KLHL32: variants seen among roughly 807,000 people sequenced by gnomAD.
The protein encoded by KLHL32 is kelch-like protein 32.
A neutral mutation model predicts 64.8 loss-of-function variants in KLHL32; 35 were observed. The ratio of observed to expected loss-of-function variants is 0.54; its 90% CI spans 0.41 to 0.72. The LOEUF is 0.72. Ranked by LOEUF, KLHL32 falls within the 30% of genes least tolerant of loss-of-function variation. The pLI is 0.00. For synonymous variants in KLHL32, 259 were observed against 281.0 expected (o/e 0.92, Z 0.78); for missense variants, 589 against 768.5 (o/e 0.77, Z 2.76).
rs563080041 is a variant in KLHL32 at position 97,025,117 on chromosome 6, A to G, written c.205-16375A>G. On this transcript the variant is annotated intron_variant, in intron 3 of 10. Coordinates refer to ENST00000369261, the MANE Select transcript of KLHL32 (RefSeq NM_052904.4). The stretch of plus-strand genomic sequence containing the variant: ...GAAGGCAGATGTTTTACAAAAGAGG[A>G]GAAGACATCTGATCCTGTGAGCCTG... The G allele has an allele frequency of 2.1e-5, 21 of 985,148 alleles. No homozygotes were observed. In the African/African-American group the frequency reaches 2.6e-4, roughly 12 times the overall value. The allele number at this position is 985,148 out of a possible 1,614,324, so 61.0% of individuals were successfully genotyped here.
intron 3 of KLHL32, among the ~76,000 whole-genome samples, chr6:96,981,338 T>C (rs1776286393): frequency 6.6e-6 from 1 of 152,156 alleles, no homozygotes; most frequent in African/African-American, 2.4e-5. Flanking sequence ...TTATATCTTG[T>C]GCACATAGAG....
chr6:97,014,899 G>C (rs569634125), intron 3 of KLHL32, among the ~76,000 whole-genome samples: 1 of 152,164 alleles, frequency 6.6e-6, no homozygotes, highest in Non-Finnish European at 1.5e-5. Flanking sequence ...ATCTCATCTC[G>C]AATTTTAATC....
At chr6:97,105,608 C>A in intron 6 of KLHL32, 1 of 432,376 alleles carries the variant, frequency 2.3e-6, no homozygotes, top group Non-Finnish European at 4.7e-6. Context: ...CTATCTGCAA[C>A]CAGATTTTAC....
At chr6:96,944,160 G>T (rs1027757116) in intron 1 of KLHL32, among the ~76,000 whole-genome samples, 5 of 152,042 alleles carry the variant, frequency 3.3e-5, no homozygotes, top group African/African-American at 1.2e-4. Context: ...TTATTAAGAC[G>T]GTAATTACTG....
intron 1 of KLHL32, among the ~76,000 whole-genome samples, chr6:96,931,442 T>C (rs1337298782): frequency 6.6e-6 from 1 of 152,212 alleles, no homozygotes; most frequent in African/African-American, 2.4e-5. Flanking sequence ...CAGTATATTG[T>C]AGGATCCCAT....
At position 97,065,003 on chromosome 6, in the gene KLHL32, G is replaced by A. The variant is rs560985582; in HGVS notation, c.411+277G>A. On this transcript the variant is annotated intron_variant, in intron 5 of 10. Coordinates refer to ENST00000369261, the MANE Select transcript of KLHL32 (RefSeq NM_052904.4). The stretch of plus-strand genomic sequence containing the variant: ...CGATCAACTCAGTGACCATGCACAG[G>A]GTTCCCTGCAGGAGCCGGGGGAGGT... Among the ~76,000 whole-genome samples the A allele has an allele frequency of 1.1e-4, 17 of 152,324 alleles. 1 individual carries two copies. The highest frequency in any genetic ancestry group is 3.8e-4 in the African/African-American group (16 of 41,568).
In KLHL32 at chr6:96,976,081, G is replaced by A. The variant is rs769126577; in HGVS notation, c.108G>A (p.Arg36=). Residue 36 remains arginine, a synonymous_variant, in exon 3 of 11, where the codon AGG becomes AGA. Coordinates refer to ENST00000369261, the MANE Select transcript of KLHL32 (RefSeq NM_052904.4). ...TCCTGGCAGCGCTGAATCAGCAGAG[G>A]AGTGATGGCATCCTCTGCGACATCA... ...DSVLAALNQQ[R]SDGILCDITL... is the part of the protein sequence containing the mutation. 1.6e-5 allele frequency: 26 copies of A among 1,609,870 alleles called. No individual in the cohort carries two copies. The highest frequency in any genetic ancestry group is 2.0e-5 in the Non-Finnish European group (23 of 1,177,184).
intron 5 of KLHL32, among the ~76,000 whole-genome samples, chr6:97,070,661 A>G (rs749709112): frequency 1.3e-4 from 20 of 152,204 alleles, no homozygotes; most frequent in Admixed American, 3.3e-4. Context: ...ATATCTCTTG[A>G]AAGAGTTCAC....
At chr6:96,993,142 G>C (rs368148032) in intron 3 of KLHL32, among the ~76,000 whole-genome samples, 1 of 152,224 alleles carries the variant, frequency 6.6e-6, no homozygotes, top group Admixed American at 6.5e-5. Context: ...TACCATACTG[G>C]AAGTAATTTT....
chr6:97,130,846 C>A lies in KLHL32; in HGVS notation c.1503C>A (p.Gly501=), dbSNP rs1461643754. Reference sequence around the variant, plus strand: ...AAAGGAAGCTTTATGTTCTTGGAGGCAATGACCTAGACTACAATAATGACC... The same window carrying A: ...AAAGGAAGCTTTATGTTCTTGGAGGAAATGACCTAGACTACAATAATGACC... ...AVQRKLYVLG[G]NDLDYNNDRI... is the part of the protein sequence containing the mutation. The change falls in exon 9 of 11, where the codon GGC becomes GGA. Residue 501 remains glycine, a synonymous_variant. Transcript: ENST00000369261. 12 of 1,614,082 alleles carry A rather than the reference C, an allele frequency of 7.4e-6. No homozygotes were observed. The highest frequency in any genetic ancestry group is 1.0e-5 in the Non-Finnish European group (12 of 1,179,962).
At chr6:97,038,337 A>G (rs1784597534) in intron 3 of KLHL32, among the ~76,000 whole-genome samples, 1 of 151,866 alleles carries the variant, frequency 6.6e-6, no homozygotes, top group Non-Finnish European at 1.5e-5. Flanking sequence ...AAAAAAAAAA[A>G]TCCAATTTAA....
chr6:96,990,077 TTCTC>T (rs1301249482), intron 3 of KLHL32, among the ~76,000 whole-genome samples: 2 of 152,214 alleles, frequency 1.3e-5, no homozygotes, highest in African/African-American at 2.4e-5. Context: ...ATATTCTGAA[TTCTC>T]TGTCTGTCAT....
At chr6:97,020,858 G>A (rs1161367373) in intron 3 of KLHL32, among the ~76,000 whole-genome samples, 1 of 150,560 alleles carries the variant, frequency 6.6e-6, no homozygotes, top group African/African-American at 2.5e-5. Context: ...AATCTCCCCA[G>A]CTTCTTAAAA....
chr6:96,902,111 G>A, the KLHL32 span, among the ~76,000 whole-genome samples: 1 of 152,286 alleles, frequency 6.6e-6, no homozygotes, highest in Non-Finnish European at 1.5e-5. Context: ...CCAGTAATGG[G>A]ATTGTGGGCT....
chr6:96,976,851 G>T (rs796903071), intron 3 of KLHL32, among the ~76,000 whole-genome samples: 1 of 152,020 alleles, frequency 6.6e-6, no homozygotes, highest in East Asian at 1.9e-4. Context: ...TGCCCGCCTC[G>T]GCCTCCCAAA....
At chr6:97,085,024 A>T in intron 5 of KLHL32, 102 bp from the exon 6 acceptor site, 1 of 902,664 alleles carries the variant, frequency 1.1e-6, no homozygotes, top group African/African-American at 1.7e-5. Flanking sequence ...TTCTCCCACC[A>T]CTGTGATGAA....
At chr6:97,006,478 C>G (rs1261490044) in intron 3 of KLHL32, among the ~76,000 whole-genome samples, 1 of 152,034 alleles carries the variant, frequency 6.6e-6, no homozygotes, top group Non-Finnish European at 1.5e-5. Flanking sequence ...ACATTCTGTG[C>G]CTTTTATTTG....
chr6:97,123,361 G>C (rs1798560303), intron 7 of KLHL32, among the ~76,000 whole-genome samples: 1 of 152,174 alleles, frequency 6.6e-6, no homozygotes, highest in Admixed American at 6.5e-5. Flanking sequence ...TTTGTGGCGA[G>C]TTGTACAGGG....
intron 7 of KLHL32, among the ~76,000 whole-genome samples, chr6:97,123,438 G>A (rs1562361912): frequency 6.6e-6 from 1 of 152,128 alleles, no homozygotes; most frequent in African/African-American, 2.4e-5. Flanking sequence ...TGGTAGCATG[G>A]TGGTAACTTT....
Sources: gnomAD v4.1 joint callset for allele counts (sites outside exome capture counted in the v4.1 genomes callset) on GRCh38, gnomAD v4.1.1 for gene constraint, MANE v1.5 for transcripts, NCBI Gene and HGNC (gene_info 2026-07-23, HGNC 2026-07-21) for gene names.